SLCO1A2: variants seen among roughly 807,000 people sequenced by gnomAD.
SLCO1A2 encodes the protein OATP-1.
In SLCO1A2, 67 loss-of-function variants were observed where a neutral mutation model predicts 69.0. That is an observed-to-expected ratio of 0.97 (90% CI 0.80 to 1.19). The LOEUF (loss-of-function observed/expected upper bound fraction) is 1.19, where lower values mean the gene tolerates loss of function less well. SLCO1A2 is among the 50% of genes most tolerant of loss of function. The pLI is 0.00. For synonymous variants in SLCO1A2, 260 were observed against 265.9 expected (o/e 0.98, Z 0.22); for missense variants, 787 against 793.7 (o/e 0.99, Z 0.10).
rs896081635 is a variant in SLCO1A2 at position 21,389,986 on chromosome 12, A to T, written c.-190+4920T>A. On this transcript the variant is annotated intron_variant, in intron 1 of 15. Coordinates refer to the SLCO1A2 transcript ENST00000307378. The stretch of plus-strand genomic sequence containing the variant: ...TTAAATTGCTTTTAATGGCAAAAAG[A>T]CACAATTACTTTTGCACTAGCCTAA... Among the ~76,000 whole-genome samples the T allele has an allele frequency of 8.7e-4, 132 of 151,368 alleles. 1 individual carries two copies. The highest frequency in any genetic ancestry group is 3.1e-3 in the African/African-American group (129 of 41,430).
At chr12:21,342,793 T>C (rs1953116571) in intron 2 of SLCO1A2, among the ~76,000 whole-genome samples, 1 of 152,078 alleles carries the variant, frequency 6.6e-6, no homozygotes, top group Non-Finnish European at 1.5e-5. Context: ...TTAATTAATA[T>C]TTGTAACTAA....
intron 1 of SLCO1A2, among the ~76,000 whole-genome samples, chr12:21,402,837 C>T (rs144279804): frequency 5.8e-4 from 88 of 152,068 alleles, no homozygotes; most frequent in East Asian, 4.3e-3. Context: ...TAAAAAGATA[C>T]GCCCAAAATT....
intron 1 of SLCO1A2, chr12:21,378,237 T>A (rs780362061): frequency 6.2e-7 from 1 of 1,613,898 alleles, no homozygotes; most frequent in African/African-American, 1.3e-5. Flanking sequence ...ATGTTACCAG[T>A]CATCAGGTGG....
At chr12:21,392,222 T>C (rs1941194294) in intron 1 of SLCO1A2, among the ~76,000 whole-genome samples, 1 of 152,154 alleles carries the variant, frequency 6.6e-6, no homozygotes, top group East Asian at 1.9e-4. Flanking sequence ...CAACATACAC[T>C]TTTAGCCTCT....
At chr12:21,318,157 C>CTG (rs56365787) in intron 3 of SLCO1A2, among the ~76,000 whole-genome samples, 53,259 of 150,016 alleles carry the variant, frequency 0.36, 9,829 homozygotes, top group African/African-American at 0.46. Context: ...GAGTCTCACT[C>CTG]TCACCCAGGC....
At chr12:21,328,083 C>T (rs1022521729) in intron 2 of SLCO1A2, among the ~76,000 whole-genome samples, 7 of 152,238 alleles carry the variant, frequency 4.6e-5, no homozygotes, top group Non-Finnish European at 1.0e-4. Flanking sequence ...AAGGCAGTTC[C>T]CCTGCACATG....
At chr12:21,314,718 T>G (rs1441463117) in intron 3 of SLCO1A2, 37 bp from the exon 4 acceptor site, 4 of 1,491,078 alleles carry the variant, frequency 2.7e-6, no homozygotes, top group South Asian at 2.3e-5. Flanking sequence ...TTAAAAAGTA[T>G]GAACAAAGTC....
intron 2 of SLCO1A2, among the ~76,000 whole-genome samples, chr12:21,328,591 C>A (rs1952410430): frequency 6.6e-6 from 1 of 152,050 alleles, no homozygotes; most frequent in Non-Finnish European, 1.5e-5. Context: ...TATGCAGTGT[C>A]CTAACCTTGG....
At position 21,267,229 on chromosome 12, in the gene SLCO1A2, TAA is replaced by T. The variant is rs1414295903; in HGVS notation, c.*2317_*2318del. 1 of 151,932 alleles carries T rather than the reference TAA, an allele frequency of 6.6e-6. No homozygotes were observed. The highest frequency in any genetic ancestry group is 1.5e-5 in the Non-Finnish European group (1 of 68,016). The allele number at this position is 151,932 out of a possible 1,614,324, so 9.4% of individuals were successfully genotyped here. A position where few individuals can be genotyped will look rare whatever the true frequency, so the allele number is the denominator to read the frequency against. ...AAATGCCATCTCCTCCATGAGGGGA[TAA>T]AAGTGATGCCAAGGTACTAAGTCCA... On this transcript the variant is annotated 3_prime_UTR_variant, in exon 15 of 15. Coordinates refer to ENST00000683939, the MANE Select transcript of SLCO1A2 (RefSeq NM_001386879.1).
chr12:21,361,278 T>C (rs1430261025), intron 2 of SLCO1A2, among the ~76,000 whole-genome samples: 1 of 152,192 alleles, frequency 6.6e-6, no homozygotes, highest in Admixed American at 6.5e-5. Context: ...AAACAGGGTC[T>C]GGAGTGGACC....
chr12:21,334,925 C>A, upstream of SLCO1A2: 1 of 316,632 alleles, frequency 3.2e-6, no homozygotes, highest in African/African-American at 2.2e-5. Context: ...TTTAGTGACT[C>A]TTTAGTGAGA....
intron 2 of SLCO1A2, among the ~76,000 whole-genome samples, chr12:21,353,646 C>T (rs985961344): frequency 1.3e-5 from 2 of 152,140 alleles, no homozygotes; most frequent in African/African-American, 4.8e-5. Context: ...TTCCCAGAAG[C>T]TTGGTCCAAT....
chr12:21,289,767 AG>A (rs1397108336), intron 12 of SLCO1A2, among the ~76,000 whole-genome samples: 1 of 148,920 alleles, frequency 6.7e-6, no homozygotes, highest in Non-Finnish European at 1.5e-5. Flanking sequence ...AAAAAAAAAA[AG>A]CAGCCCAGGG....
intron 1 of SLCO1A2, chr12:21,378,611 A>G (rs952028536): frequency 2.4e-5 from 13 of 534,776 alleles, no homozygotes; most frequent in Non-Finnish European, 4.3e-5. Context: ...ATAAAAAGAT[A>G]GTATCTTTTA....
chr12:21,344,275 A>G (rs1333771701), intron 2 of SLCO1A2, among the ~76,000 whole-genome samples: 1 of 152,054 alleles, frequency 6.6e-6, no homozygotes, highest in Non-Finnish European at 1.5e-5. Flanking sequence ...GAGACAATAT[A>G]ATCCAAGGAA....
At position 21,358,400 on chromosome 12, in the gene SLCO1A2, G is replaced by A. The variant is rs140651378; in HGVS notation, c.-63+15999C>T. The stretch of plus-strand genomic sequence containing the variant: ...ATTTTTCCTCTCCAAAAAATGTTTC[G>A]AGCAATACTACTTTTAAACTATGTG... On this transcript the variant is annotated intron_variant, in intron 2 of 15. Coordinates refer to the SLCO1A2 transcript ENST00000307378. 4.9e-4 allele frequency among the ~76,000 whole-genome samples: 74 copies of A among 152,134 alleles called. No homozygotes were observed. The East Asian group carries it at 5.8e-3, about 12-fold the overall frequency.
chr12:21,354,577 A>G (rs933365495), intron 2 of SLCO1A2, among the ~76,000 whole-genome samples: 2 of 152,178 alleles, frequency 1.3e-5, no homozygotes, highest in Non-Finnish European at 2.9e-5. Flanking sequence ...GTTATGATAC[A>G]TTGAATCTAT....
Position 21,373,651 on chromosome 12 carries a change from G to C in SLCO1A2, c.-63+748C>G, listed in dbSNP as rs576447605. 52 of 701,700 alleles carry C rather than the reference G, an allele frequency of 7.4e-5. No individual in the cohort carries two copies. In the African/African-American group the frequency reaches 8.7e-4, roughly 12 times the overall value. The allele number at this position is 701,700 out of a possible 1,614,324, so 43.5% of individuals were successfully genotyped here. A position where few individuals can be genotyped will look rare whatever the true frequency, so the allele number is the denominator to read the frequency against. ...ATGGAACTTCTGACAGACAGGAATG[G>C]ATAATTCCAGTTTTGTCAAGAAATA... On this transcript the variant is annotated intron_variant, in intron 2 of 15. Coordinates refer to the SLCO1A2 transcript ENST00000307378.
At position 21,269,515 on chromosome 12, in the gene SLCO1A2, T is replaced by C; in HGVS notation, c.*33A>G. On this transcript the variant is annotated 3_prime_UTR_variant, in exon 15 of 15. Transcript: ENST00000683939. Reference sequence around the variant, plus strand: ...AACAATTAAGTTGTACAGCATGTTCTCTAATTCTGAAAAAAGTAATATAAT... The same window carrying C: ...AACAATTAAGTTGTACAGCATGTTCCCTAATTCTGAAAAAAGTAATATAAT... 6.7e-7 allele frequency: 1 copy of C among 1,499,480 alleles called. No homozygotes were observed. The highest frequency in any genetic ancestry group is 9.2e-7 in the Non-Finnish European group (1 of 1,081,774). The allele number at this position is 1,499,480 out of a possible 1,614,324, so 92.9% of individuals were successfully genotyped here.
Sources: allele counts gnomAD v4.1 joint callset (sites outside exome capture counted in the v4.1 genomes callset), GRCh38; gene constraint gnomAD v4.1.1; transcripts MANE v1.5; gene names NCBI Gene and HGNC (gene_info 2026-07-23, HGNC 2026-07-21).